Variants in PCDHGB4 observed in about 807,000 individuals in gnomAD.
The protein encoded by PCDHGB4 is protocadherin gamma subfamily B, 4.
In PCDHGB4, 38 loss-of-function variants were observed where a neutral mutation model predicts 60.5. The observed-to-expected ratio is 0.63, with a 90% confidence interval of 0.48 to 0.82. The LOEUF (loss-of-function observed/expected upper bound fraction) is 0.82. Ranked by LOEUF, PCDHGB4 falls within the 40% of genes least tolerant of loss-of-function variation. The probability of loss-of-function intolerance (pLI) is 0.00; values close to 1 mark genes in which losing one functional copy is unlikely to be tolerated. For synonymous variants in PCDHGB4, 456 were observed against 509.7 expected (o/e 0.89, Z 1.42); for missense variants, 1,109 against 1,209.6 (o/e 0.92, Z 1.23).
chr5:141,425,763 G>A (rs959881638), intron 1 of PCDHGB4, among the ~76,000 whole-genome samples: 3 of 152,164 alleles, frequency 2.0e-5, no homozygotes, highest in Non-Finnish European at 4.4e-5. Context: ...TCTACAACAG[G>A]AGAGAAGACT....
At chr5:141,415,132 C>T (rs752622569) in intron 1 of PCDHGB4, 4 of 1,613,696 alleles carry the variant, frequency 2.5e-6, no homozygotes, top group Non-Finnish European at 3.4e-6. Flanking sequence ...CGTCCAGGAC[C>T]ACGGCCAGCC....
At chr5:141,463,581 T>TG (rs2099064477) in intron 1 of PCDHGB4, among the ~76,000 whole-genome samples, 1 of 151,502 alleles carries the variant, frequency 6.6e-6, no homozygotes, top group Non-Finnish European at 1.5e-5. Context: ...CCCGAGTAGC[T>TG]GGGACTACAG....
intron 1 of PCDHGB4, chr5:141,399,640 G>A: frequency 6.2e-7 from 1 of 1,613,836 alleles, no homozygotes; most frequent in Non-Finnish European, 8.5e-7. Flanking sequence ...GTCCATGAGC[G>A]CGCAAAGTGG....
intron 1 of PCDHGB4, among the ~76,000 whole-genome samples, chr5:141,472,042 T>C (rs2099270232): frequency 2.0e-5 from 3 of 152,146 alleles, no homozygotes; most frequent in African/African-American, 7.2e-5. Context: ...TGTGAAAAGA[T>C]TTTAAAAATG....
Position 141,430,614 on chromosome 5 carries a change from T to C in PCDHGB4, c.2397+40333T>C, listed in dbSNP as rs1030314096. 7.3e-6 allele frequency: 5 copies of C among 680,636 alleles called. No individual in the cohort carries two copies. In the African/African-American group the frequency reaches 7.4e-5, roughly 10 times the overall value. 42.2% of individuals were successfully genotyped at this position (680,636 alleles called of 1,614,324 possible). ...GCACGCGCCTGAAGCACAAAGCAGA[T>C]AGCTAGGAATGAACCATCCCTGGGA... On this transcript the variant is annotated intron_variant, in intron 1 of 3. Transcript: ENST00000519479.
intron 1 of PCDHGB4, chr5:141,423,450 T>G (rs571358720): frequency 1.2e-6 from 2 of 1,614,050 alleles, no homozygotes; most frequent in East Asian, 4.5e-5. Flanking sequence ...CGTCACATTT[T>G]GTAGGCGTGG....
At chr5:141,492,026 G>T in intron 1 of PCDHGB4, 1 of 567,198 alleles carries the variant, frequency 1.8e-6, no homozygotes, top group Non-Finnish European at 3.0e-6. Flanking sequence ...GGGGTCCCGG[G>T]AGGAGGCAGT....
chr5:141,433,291 T>A, intron 1 of PCDHGB4: 1 of 1,094,048 alleles, frequency 9.1e-7, no homozygotes, highest in Non-Finnish European at 1.3e-6. Flanking sequence ...ACTCCTAGGC[T>A]CAAGCAATTA....
Position 141,467,771 on chromosome 5 carries a change from A to G in PCDHGB4, c.2398-27036A>G, listed in dbSNP as rs542500016. Among the ~76,000 whole-genome samples, 11 of 151,422 alleles carry G rather than the reference A, an allele frequency of 7.3e-5. No individual in the cohort carries two copies. The South Asian group carries it at 2.3e-3, about 32-fold the overall frequency. On this transcript the variant is annotated intron_variant, in intron 1 of 3. Transcript: ENST00000519479. Reference sequence around the variant, plus strand: ...CCGCCTCACATGCTCAAGTGCCCGCACCTCAGCCTCTCAAGTAGCTGGGAC... The same window carrying G: ...CCGCCTCACATGCTCAAGTGCCCGCGCCTCAGCCTCTCAAGTAGCTGGGAC...
intron 1 of PCDHGB4, chr5:141,394,133 G>T: frequency 6.2e-7 from 1 of 1,613,920 alleles, no homozygotes; most frequent in Non-Finnish European, 8.5e-7. Flanking sequence ...AAATCGCTCT[G>T]CACGTGGCAG....
chr5:141,488,040 G>A (rs1212272063), intron 1 of PCDHGB4, among the ~76,000 whole-genome samples: 1 of 152,112 alleles, frequency 6.6e-6, no homozygotes, highest in Non-Finnish European at 1.5e-5. Flanking sequence ...CATTTCCCAA[G>A]GGATTGAGGG....
intron 1 of PCDHGB4, chr5:141,419,481 C>A (rs2096389716): frequency 2.5e-6 from 4 of 1,612,424 alleles, no homozygotes; most frequent in Non-Finnish European, 3.4e-6. Context: ...GGCTCGCCCG[C>A]GCTCAGCGCC....
At chr5:141,395,447 G>T in intron 1 of PCDHGB4, 1 of 645,040 alleles carries the variant, frequency 1.6e-6, no homozygotes, top group South Asian at 2.4e-5. Context: ...GGAAAAGATT[G>T]TTCAACCATT....
chr5:141,431,239 G>A lies in PCDHGB4; in HGVS notation c.2397+40958G>A. 6.2e-7 allele frequency: 1 copy of A among 1,614,152 alleles called. No homozygotes were observed. The highest frequency in any genetic ancestry group is 1.3e-5 in the African/African-American group (1 of 75,062). On this transcript the variant is annotated intron_variant, in intron 1 of 3. Transcript: ENST00000519479. This position sits in a 1 kb window ranked among gnomAD's most constrained non-coding sequence, Gnocchi z 4.8. ...TCCCTCTACCCCACGCCTGGGATCC[G>A]GATATCGGGAAGAACTCTCTGCAGA...
intron 1 of PCDHGB4, chr5:141,400,091 C>A: frequency 6.2e-7 from 1 of 1,614,072 alleles, no homozygotes; most frequent in Non-Finnish European, 8.5e-7. Context: ...GCCACCGCCA[C>A]GCTGCACTTG....
chr5:141,397,919 C>G (rs1158998805), intron 1 of PCDHGB4: 2 of 723,460 alleles, frequency 2.8e-6, no homozygotes, highest in East Asian at 5.5e-5. Flanking sequence ...TCCAGATCTC[C>G]TCGCGCAGCC....
chr5:141,415,029 G>A (rs777967290), intron 1 of PCDHGB4: 4 of 1,613,436 alleles, frequency 2.5e-6, no homozygotes, highest in Non-Finnish European at 3.4e-6. Flanking sequence ...CCAGCGAGCC[G>A]GGACTCTTCG....
chr5:141,489,696 C>T lies in PCDHGB4; in HGVS notation c.2398-5111C>T. On this transcript the variant is annotated intron_variant, in intron 1 of 3. Transcript: ENST00000519479. This position sits in a 1 kb window ranked among gnomAD's most constrained non-coding sequence, Gnocchi z 4.5. ...AATCAGCAGCATCTGGGGCACGATT[C>T]CCACTGGACAGTGCCCAGGATCCGG... 6.2e-7 allele frequency: 1 copy of T among 1,614,170 alleles called. No homozygotes were observed. Among genetic ancestry groups the T allele is most frequent in the Non-Finnish European group, 8.5e-7 (1 of 1,180,002 alleles).
At chr5:141,418,599 A>G in intron 1 of PCDHGB4, 1 of 1,614,054 alleles carries the variant, frequency 6.2e-7, no homozygotes, top group South Asian at 1.1e-5. Flanking sequence ...CAGGACGTGT[A>G]CAGGGTTAGC....
Sources: gnomAD v4.1 joint callset for allele counts (sites outside exome capture counted in the v4.1 genomes callset) on GRCh38, gnomAD v4.1.1 for gene constraint, Gnocchi (gnomAD v3.1) non-coding constraint, MANE v1.5 for transcripts, NCBI Gene and HGNC (gene_info 2026-07-23, HGNC 2026-07-21) for gene names.